Variants in POLR2B observed in about 807,000 individuals in gnomAD.
POLR2B encodes the protein RNA polymerase II subunit B.
POLR2B carries 57 observed loss-of-function variants against 144.6 expected under a neutral mutation model. That is an observed-to-expected ratio of 0.39 (90% CI 0.32 to 0.49). The LOEUF is 0.49. Ranked by LOEUF, POLR2B falls within the 20% of genes least tolerant of loss-of-function variation. The pLI, the probability that POLR2B is intolerant of heterozygous loss-of-function variation, is 0.83. For synonymous variants in POLR2B, 442 were observed against 469.8 expected (o/e 0.94, Z 0.77); for missense variants, 595 against 1,467.4 (o/e 0.41, Z 9.71).
intron 18 of POLR2B, 65 bp downstream of exon 18, chr4:57,022,311 T>C: frequency 1.0e-6 from 1 of 990,056 alleles, no homozygotes; most frequent in Non-Finnish European, 1.6e-6. Flanking sequence ...TCCTAAGTGA[T>C]TTTGATGGGT....
intron 3 of POLR2B, among the ~76,000 whole-genome samples, chr4:56,992,421 C>A (rs1365875735): frequency 1.6e-5 from 2 of 126,334 alleles, no homozygotes; most frequent in African/African-American, 6.2e-5. Context: ...GCTGAGATCA[C>A]GCCACTGCAC....
chr4:57,019,410 G>A (rs1289082573), intron 16 of POLR2B, among the ~76,000 whole-genome samples: 1 of 148,652 alleles, frequency 6.7e-6, no homozygotes, highest in Non-Finnish European at 1.5e-5. Flanking sequence ...CTACTTTGTT[G>A]CCCAGGCTGG....
At chr4:57,008,052 T>C (rs1413222102) in intron 10 of POLR2B, among the ~76,000 whole-genome samples, 2 of 152,228 alleles carry the variant, frequency 1.3e-5, no homozygotes, top group African/African-American at 4.8e-5. Flanking sequence ...ATATTTGTGA[T>C]ACTGAGTTCA....
At position 56,978,969 on chromosome 4, in the gene POLR2B, G is replaced by C; in HGVS notation, c.-17G>C. 2 of 1,613,494 alleles carry C rather than the reference G, an allele frequency of 1.2e-6. No homozygotes were observed. Among genetic ancestry groups the C allele is most frequent in the Non-Finnish European group, 1.7e-6 (2 of 1,179,552 alleles). On this transcript the variant is annotated 5_prime_UTR_variant, in exon 1 of 25. Coordinates refer to ENST00000314595, the MANE Select transcript of POLR2B (RefSeq NM_000938.3). ...TTTTGATTTCAAGAGTTAGGAGCTCGAGAACCGTTTGGCAATATGTACGAC... is the reference window on the plus strand; with the variant it reads ...TTTTGATTTCAAGAGTTAGGAGCTCCAGAACCGTTTGGCAATATGTACGAC...
chr4:57,004,020 CTTTTTTT>C (rs138828073), intron 7 of POLR2B, among the ~76,000 whole-genome samples: 1 of 72,332 alleles, frequency 1.4e-5, no homozygotes, highest in Non-Finnish European at 2.4e-5. Flanking sequence ...TAAATTAAAT[CTTTTTTT>C]TTTTTTTTTT....
intron 21 of POLR2B, among the ~76,000 whole-genome samples, 200 bp downstream of exon 21, chr4:57,024,312 G>GAT: frequency 9.6e-6 from 1 of 104,296 alleles, no homozygotes; most frequent in Non-Finnish European, 1.9e-5. Context: ...ATTTTTGTGA[G>GAT]ATATACTACA....
intron 23 of POLR2B, among the ~76,000 whole-genome samples, chr4:57,026,351 C>T (rs1723719697): frequency 6.6e-6 from 1 of 152,160 alleles, no homozygotes; most frequent in Non-Finnish European, 1.5e-5. Flanking sequence ...GTTGGAATTA[C>T]AGGCGTGAAC....
intron 10 of POLR2B, chr4:57,009,900 T>C (rs1042753111): frequency 6.6e-6 from 1 of 152,646 alleles, no homozygotes; most frequent in Non-Finnish European, 1.5e-5. Flanking sequence ...GTATTAGTAA[T>C]GGATGTTTGC....
At chr4:56,990,638 T>C in intron 2 of POLR2B, 110 bp from the exon 3 acceptor site, 1 of 902,240 alleles carries the variant, frequency 1.1e-6, no homozygotes, top group Non-Finnish European at 1.7e-6. Context: ...TAATGGTTGG[T>C]ATTTTATGAC....
intron 3 of POLR2B, among the ~76,000 whole-genome samples, chr4:56,993,258 A>G (rs1035616834): frequency 1.8e-4 from 27 of 152,128 alleles, no homozygotes; most frequent in African/African-American, 4.3e-4. Flanking sequence ...AGCCGAGATC[A>G]CGCCACTGCA....
intron 10 of POLR2B, among the ~76,000 whole-genome samples, chr4:57,007,412 T>C (rs2109685682): frequency 6.6e-6 from 1 of 151,118 alleles, no homozygotes; most frequent in African/African-American, 2.5e-5. Flanking sequence ...TGAGACTCCG[T>C]CTCAAAAAAC....
Position 57,006,853 on chromosome 4 carries a change from G to A in POLR2B, c.1255G>A (p.Ala419Thr). 1.9e-6 allele frequency: 3 copies of A among 1,613,624 alleles called. No homozygotes were observed. The highest frequency in any genetic ancestry group is 2.5e-6 in the Non-Finnish European group (3 of 1,179,644). Residue 419 changes from alanine to threonine, a missense_variant, in exon 10 of 25, where the codon GCA (alanine) becomes ACA (threonine). Transcript: ENST00000314595. Reference protein sequence around the residue: ...KNLLKEVRIYAQKFIDRGKDF... With the variant: ...KNLLKEVRIYTQKFIDRGKDF... The stretch of plus-strand genomic sequence containing the variant: ...TTTGCTTAAAGAAGTGCGGATCTAT[G>A]CACAGAAATTTATTGATCGAGGAAA...
chr4:57,023,932 T>G lies in POLR2B; in HGVS notation c.2857-73T>G, dbSNP rs1723629368. 1.1e-6 allele frequency: 1 copy of G among 880,054 alleles called. No homozygotes were observed. The highest frequency in any genetic ancestry group is 2.5e-5 in the East Asian group (1 of 40,420). 54.5% of individuals were successfully genotyped at this position (880,054 alleles called of 1,614,324 possible). A position where few individuals can be genotyped will look rare whatever the true frequency, so the allele number is the denominator to read the frequency against. ...GAATTTGGGACATACAGTAATTCAG[T>G]TGGGAGAACTGAAATGTCAGTTCTA... is the stretch of plus-strand genomic sequence containing the variant. On this transcript the variant is annotated intron_variant, in intron 20 of 24. Coordinates refer to ENST00000314595, the MANE Select transcript of POLR2B (RefSeq NM_000938.3). This position sits in a 1 kb window ranked among gnomAD's most constrained non-coding sequence, Gnocchi z 4.3.
chr4:56,995,152 C>A, intron 5 of POLR2B, 99 bp from the exon 6 acceptor site: 1 of 813,202 alleles, frequency 1.2e-6, no homozygotes, highest in Non-Finnish European at 1.9e-6. Flanking sequence ...TTTCAGTGAG[C>A]CTATATGGTC....
chr4:56,994,324 A>G lies in POLR2B; in HGVS notation c.244-80A>G, dbSNP rs1171128701. ...TAGAGTTGCTTGTACTTAAAATGTT[A>G]ATGTCAATTAAAATGGAATCACTAA... On this transcript the variant is annotated intron_variant, in intron 3 of 24. Coordinates refer to ENST00000314595, the MANE Select transcript of POLR2B (RefSeq NM_000938.3). The G allele has an allele frequency of 4.2e-6, 3 of 721,582 alleles. No homozygotes were observed. In the African/African-American group the frequency reaches 5.4e-5, roughly 13 times the overall value. The allele number at this position is 721,582 out of a possible 1,614,324, so 44.7% of individuals were successfully genotyped here.
intron 2 of POLR2B, among the ~76,000 whole-genome samples, chr4:56,987,445 C>T (rs1213787193): frequency 2.0e-5 from 3 of 152,142 alleles, no homozygotes; most frequent in Non-Finnish European, 2.9e-5. Flanking sequence ...GTTTTATATA[C>T]AATAAGATGA....
At chr4:57,001,246 C>T (rs955926807) in intron 7 of POLR2B, among the ~76,000 whole-genome samples, 5 of 151,794 alleles carry the variant, frequency 3.3e-5, no homozygotes, top group Admixed American at 6.6e-5. Context: ...CTCAGCTCTG[C>T]CTCCTGGGTT....
chr4:57,023,882 T>C lies in POLR2B; in HGVS notation c.2857-123T>C, dbSNP rs1723628199. On this transcript the variant is annotated intron_variant, in intron 20 of 24. Coordinates refer to ENST00000314595, the MANE Select transcript of POLR2B (RefSeq NM_000938.3). The surrounding 1 kb of genome is among the most constrained non-coding windows in gnomAD (Gnocchi z 4.3). ...CTTTTTGATTTTATTGTTGAATAAG[T>C]ATATGAACATACCATGTTTAAACAG... is the stretch of plus-strand genomic sequence containing the variant. 3.8e-6 allele frequency: 3 copies of C among 785,702 alleles called. No homozygotes were observed. Among genetic ancestry groups the C allele is most frequent in the Admixed American group, 2.6e-5 (1 of 38,610 alleles). 48.7% of individuals were successfully genotyped at this position (785,702 alleles called of 1,614,324 possible). A position where few individuals can be genotyped will look rare whatever the true frequency, so the allele number is the denominator to read the frequency against.
intron 7 of POLR2B, among the ~76,000 whole-genome samples, chr4:57,000,548 T>C (rs1722818110): frequency 6.6e-6 from 1 of 152,072 alleles, no homozygotes. Flanking sequence ...ATATAACACA[T>C]TTTTTTTCTG....
Sources: gnomAD v4.1 joint callset for allele counts (sites outside exome capture counted in the v4.1 genomes callset) on GRCh38, gnomAD v4.1.1 for gene constraint, Gnocchi (gnomAD v3.1) non-coding constraint, MANE v1.5 for transcripts, NCBI Gene and HGNC (gene_info 2026-07-23, HGNC 2026-07-21) for gene names.